NLGN1: variants seen among roughly 807,000 people sequenced by gnomAD.
NLGN1 encodes neuroligin-1.
In NLGN1, 12 loss-of-function variants were observed where a neutral mutation model predicts 65.5. The ratio of observed to expected loss-of-function variants is 0.18; its 90% confidence interval spans 0.12 to 0.30. NLGN1 has a LOEUF of 0.30. Among genes scored for constraint, NLGN1 ranks in the 10% least tolerant of loss-of-function variants. The probability of loss-of-function intolerance (pLI) is 1.00; values close to 1 mark genes in which losing one functional copy is unlikely to be tolerated. For synonymous variants in NLGN1, 350 were observed against 359.5 expected, an observed-to-expected ratio of 0.97 and a Z score of 0.30; for missense variants, 750 against 1,007.1, an observed-to-expected ratio of 0.74 and a Z score of 3.46.
At chr3:174,293,803 G>A in the NLGN1 span, among the ~76,000 whole-genome samples, 9 of 151,470 alleles carry the variant, frequency 5.9e-5, no homozygotes, top group Admixed American at 2.6e-4. Flanking sequence ...TAAAACTGAC[G>A]TATTTCATCA....
At chr3:173,660,426 A>G (rs909329143) in intron 3 of NLGN1, among the ~76,000 whole-genome samples, 14 of 151,720 alleles carry the variant, frequency 9.2e-5, no homozygotes, top group African/African-American at 2.7e-4. Context: ...AGGTTCATGC[A>G]TTGAAATTCA....
In NLGN1 at chr3:173,748,974, GCA is replaced by G. The variant is rs1253046629; in HGVS notation, c.494-58703_494-58702del. Among the ~76,000 whole-genome samples, 8 of 151,978 alleles carry G rather than the reference GCA, an allele frequency of 5.3e-5. No individual in the cohort carries two copies. The East Asian group carries it at 1.4e-3, about 26-fold the overall frequency. Reference sequence around the variant, plus strand: ...TTTCAAAGTAGGTGCGTCATTATATGCACATAGCATGACTGAATTCATTATGA... The same window carrying G: ...TTTCAAAGTAGGTGCGTCATTATATGCATAGCATGACTGAATTCATTATGA... On this transcript the variant is annotated intron_variant, in intron 3 of 6. Coordinates refer to ENST00000457714, the Ensembl canonical transcript of NLGN1.
chr3:173,929,618 C>G (rs1743677671), intron 4 of NLGN1, among the ~76,000 whole-genome samples: 1 of 148,274 alleles, frequency 6.7e-6, no homozygotes, highest in South Asian at 2.1e-4. Flanking sequence ...CTTAAAATTT[C>G]CCAAATATTT....
At chr3:174,011,789 T>G (rs1404407901) in intron 4 of NLGN1, among the ~76,000 whole-genome samples, 1 of 152,182 alleles carries the variant, frequency 6.6e-6, no homozygotes, top group Non-Finnish European at 1.5e-5. Flanking sequence ...AAATTCATAT[T>G]GTTCCAGACA....
At chr3:173,514,290 A>C (rs1352491732) in intron 2 of NLGN1, among the ~76,000 whole-genome samples, 2 of 151,992 alleles carry the variant, frequency 1.3e-5, no homozygotes, top group East Asian at 3.9e-4. Flanking sequence ...TATGTGGATA[A>C]ATTCTTTTGT....
At chr3:173,887,311 A>G (rs1463385891) in intron 4 of NLGN1, among the ~76,000 whole-genome samples, 1 of 152,000 alleles carries the variant, frequency 6.6e-6, no homozygotes, top group African/African-American at 2.4e-5. Context: ...AAGAGTTCAG[A>G]GTTTAGATTG....
intron 4 of NLGN1, among the ~76,000 whole-genome samples, chr3:173,865,814 C>T (rs936714354): frequency 6.6e-6 from 1 of 152,176 alleles, no homozygotes; most frequent in African/African-American, 2.4e-5. Context: ...AAACCTGACA[C>T]TGGAAGAGAG....
chr3:173,851,530 T>G (rs114215028), intron 4 of NLGN1, among the ~76,000 whole-genome samples: 2,409 of 152,330 alleles, frequency 0.016, 31 homozygotes, highest in Non-Finnish European at 0.023. Flanking sequence ...GATCTTATAC[T>G]TTCAAAATCT....
At chr3:173,843,561 A>G (rs886551526) in intron 4 of NLGN1, among the ~76,000 whole-genome samples, 1 of 152,162 alleles carries the variant, frequency 6.6e-6, no homozygotes, top group Non-Finnish European at 1.5e-5. Flanking sequence ...ATCTCTCTCA[A>G]GTTCAAAGTT....
At chr3:173,452,719 T>C (rs776474262) in intron 2 of NLGN1, among the ~76,000 whole-genome samples, 3 of 152,146 alleles carry the variant, frequency 2.0e-5, no homozygotes, top group African/African-American at 7.2e-5. Flanking sequence ...AGGAGAGAGA[T>C]AGATTACTTG....
intron 4 of NLGN1, among the ~76,000 whole-genome samples, chr3:173,958,157 T>C (rs115932002): frequency 0.018 from 2,726 of 152,268 alleles, 83 homozygotes; most frequent in African/African-American, 0.061. Flanking sequence ...TTTCTCTCCT[T>C]TCCTTCTTGT....
intron 4 of NLGN1, among the ~76,000 whole-genome samples, chr3:173,991,808 G>A (rs370022406): frequency 6.6e-6 from 1 of 151,932 alleles, no homozygotes. Flanking sequence ...TTTTGTTGTT[G>A]TTGTTGTTTG....
chr3:173,553,759 T>C (rs1015380117), intron 2 of NLGN1, among the ~76,000 whole-genome samples: 8 of 151,570 alleles, frequency 5.3e-5, no homozygotes, highest in African/African-American at 1.9e-4. Context: ...CTACACAGCC[T>C]GTGCAGATTT....
chr3:173,593,025 A>G lies in NLGN1; in HGVS notation c.-320-11254A>G, dbSNP rs546696952. The stretch of plus-strand genomic sequence containing the variant: ...GGCACATTCTATACCTTGGTTTTCA[A>G]TTGCCAACTCCTACTCAATCTCAGA... On this transcript the variant is annotated intron_variant, in intron 2 of 6. Coordinates refer to ENST00000457714, the Ensembl canonical transcript of NLGN1. Among the ~76,000 whole-genome samples the G allele has an allele frequency of 3.3e-5, 5 of 152,236 alleles. No individual in the cohort carries two copies. The East Asian group carries it at 9.7e-4, about 29-fold the overall frequency.
chr3:174,125,020 G>A (rs1308529771), intron 4 of NLGN1, among the ~76,000 whole-genome samples: 1 of 152,072 alleles, frequency 6.6e-6, no homozygotes, highest in Non-Finnish European at 1.5e-5. Flanking sequence ...AGAATATTGA[G>A]AGTGCATGGA....
At chr3:173,581,957 C>T (rs1272461490) in intron 2 of NLGN1, among the ~76,000 whole-genome samples, 1 of 151,916 alleles carries the variant, frequency 6.6e-6, no homozygotes, top group Non-Finnish European at 1.5e-5. Flanking sequence ...ATTTACTTGG[C>T]ACCCTCCCCA....
At chr3:174,050,603 G>C (rs1273433421) in intron 4 of NLGN1, among the ~76,000 whole-genome samples, 3 of 151,932 alleles carry the variant, frequency 2.0e-5, no homozygotes, top group African/African-American at 7.2e-5. Flanking sequence ...CTAATGCCGT[G>C]GCCTGGTGCA....
intron 1 of NLGN1, among the ~76,000 whole-genome samples, chr3:173,416,527 C>T (rs1481466817): frequency 2.6e-5 from 4 of 152,140 alleles, no homozygotes; most frequent in Admixed American, 2.0e-4. Context: ...TTTCTATTTT[C>T]TAAAAGACTC....
rs201802866 is a variant in NLGN1, at chr3:174,167,593, CTTTT to C, written c.647-107709_647-107706del. On this transcript the variant is annotated intron_variant, in intron 4 of 6. Coordinates refer to ENST00000457714, the Ensembl canonical transcript of NLGN1. ...GTTCCCTTTGTATGTGATCTGCCCC[CTTTT>C]TTTTTTTTTTTTAACCTAGTTGCCC... 5.4e-3 allele frequency among the ~76,000 whole-genome samples: 761 copies of C among 140,356 alleles called. 21 individuals carry two copies. The highest frequency in any genetic ancestry group is 0.033 in the East Asian group (154 of 4,702). 92.1% of individuals were successfully genotyped at this position (140,356 alleles called of 152,430 possible). A position where few individuals can be genotyped will look rare whatever the true frequency, so the allele number is the denominator to read the frequency against.
Sources: gnomAD v4.1 joint callset for allele counts (sites outside exome capture counted in the v4.1 genomes callset) on GRCh38, gnomAD v4.1.1 for gene constraint, MANE v1.5 for transcripts, NCBI Gene and HGNC (gene_info 2026-07-23, HGNC 2026-07-21) for gene names.